The following APIP variants were observed in gnomAD, a reference collection of about 807,000 sequenced individuals.
The protein encoded by APIP is methylthioribulose-1-phosphate dehydratase.
Under a neutral mutation model 32.0 loss-of-function variants are expected in APIP, and 32 were observed. That is an observed-to-expected ratio of 1.00 (90% CI 0.76 to 1.34). The LOEUF (loss-of-function observed/expected upper bound fraction) is 1.34. Among genes scored for constraint, APIP ranks in the 40% most tolerant of loss-of-function variants. The probability of loss-of-function intolerance (pLI) is 0.00; values close to 1 mark genes in which losing one functional copy is unlikely to be tolerated. For synonymous variants in APIP, 92 were observed against 94.8 expected (o/e 0.97, Z 0.17); for missense variants, 247 against 298.6 (o/e 0.83, Z 1.27).
intron 1 of APIP, among the ~76,000 whole-genome samples, chr11:34,910,151 AAT>A (rs1382107818): frequency 6.6e-6 from 1 of 152,244 alleles, no homozygotes; most frequent in Non-Finnish European, 1.5e-5. Flanking sequence ...AAAGTTGTGC[AAT>A]ATTCTCCAGC....
intron 5 of APIP, 89 bp downstream of exon 5, chr11:34,888,204 A>T: frequency 8.2e-7 from 1 of 1,219,648 alleles, no homozygotes; most frequent in South Asian, 1.7e-5. Flanking sequence ...ACGACATCTC[A>T]TTATATGCAT....
chr11:34,885,878 A>C (rs947419204), intron 5 of APIP, among the ~76,000 whole-genome samples: 1 of 152,160 alleles, frequency 6.6e-6, no homozygotes, highest in Non-Finnish European at 1.5e-5. Flanking sequence ...CATAGCTGTC[A>C]TAGGGTCACA....
At chr11:34,893,524 C>A (rs59184525) in intron 2 of APIP, among the ~76,000 whole-genome samples, 1,849 of 152,212 alleles carry the variant, frequency 0.012, 32 homozygotes, top group African/African-American at 0.043. Flanking sequence ...TGTGAATAGG[C>A]CATCTTGAAA....
chr11:34,892,994 A>C (rs886707845), intron 2 of APIP, among the ~76,000 whole-genome samples: 3 of 152,190 alleles, frequency 2.0e-5, no homozygotes, highest in Non-Finnish European at 4.4e-5. Context: ...TAAGATTCCA[A>C]ATACAGTGCC....
intron 1 of APIP, among the ~76,000 whole-genome samples, chr11:34,897,314 C>T (rs1034218630): frequency 2.6e-5 from 4 of 152,146 alleles, no homozygotes; most frequent in Non-Finnish European, 5.9e-5. Flanking sequence ...GATTTATTGC[C>T]TACATGACTT....
intron 1 of APIP, among the ~76,000 whole-genome samples, chr11:34,904,071 A>C (rs1369647412): frequency 2.6e-5 from 4 of 152,230 alleles, no homozygotes; most frequent in Admixed American, 6.5e-5. Flanking sequence ...GAAGTTATCC[A>C]GGGGAAGACT....
At chr11:34,885,879 T>A (rs1039021852) in intron 5 of APIP, among the ~76,000 whole-genome samples, 2 of 152,286 alleles carry the variant, frequency 1.3e-5, no homozygotes, top group East Asian at 1.9e-4. Flanking sequence ...ATAGCTGTCA[T>A]AGGGTCACAG....
intron 1 of APIP, among the ~76,000 whole-genome samples, chr11:34,907,215 C>T (rs554690672): frequency 6.6e-6 from 1 of 152,274 alleles, no homozygotes; most frequent in Admixed American, 6.5e-5. Context: ...GCCCAAATTA[C>T]CTATGCCTGT....
chr11:34,900,944 T>C (rs1853361345), intron 1 of APIP, among the ~76,000 whole-genome samples: 1 of 151,988 alleles, frequency 6.6e-6, no homozygotes, highest in Non-Finnish European at 1.5e-5. Flanking sequence ...TAATAAAACA[T>C]ACCTATTTAT....
chr11:34,888,895 A>G, intron 3 of APIP, 26 bp from the exon 4 acceptor site: 1 of 1,316,076 alleles, frequency 7.6e-7, no homozygotes, highest in Non-Finnish European at 1.0e-6. Context: ...AAAAAAAGAA[A>G]AAAAGAAGGC....
intron 5 of APIP, 56 bp from the exon 6 acceptor site, chr11:34,883,560 TATACAACA>T (rs1853008990): frequency 6.5e-7 from 1 of 1,536,112 alleles, no homozygotes; most frequent in Admixed American, 2.0e-5. Context: ...CATTGATATG[TATACAACA>T]TGTAATTTTT....
intron 1 of APIP, among the ~76,000 whole-genome samples, chr11:34,905,367 A>T (rs573759783): frequency 6.6e-6 from 1 of 152,320 alleles, no homozygotes; most frequent in Non-Finnish European, 1.5e-5. Context: ...GGAAACTTAC[A>T]ATGACCCAGA....
At chr11:34,902,675 C>T (rs994147936) in intron 1 of APIP, among the ~76,000 whole-genome samples, 1 of 152,170 alleles carries the variant, frequency 6.6e-6, no homozygotes, top group African/African-American at 2.4e-5. Context: ...ACTCAGGGAG[C>T]TAAAACTCAT....
At chr11:34,899,588 G>T (rs938956876) in intron 1 of APIP, among the ~76,000 whole-genome samples, 25 of 152,204 alleles carry the variant, frequency 1.6e-4, no homozygotes, top group Admixed American at 3.9e-4. Context: ...AAGGGGCCTT[G>T]CCCAATTACG....
At position 34,904,466 on chromosome 11, in the gene APIP, A is replaced by G. The variant is rs574008872; in HGVS notation, c.58-9356T>C. ...ACTCTTATTCCCATGGCCTTAACGAATAAGAAATACCCCTTCAAAATTAGG... is the reference window on the plus strand; with the variant it reads ...ACTCTTATTCCCATGGCCTTAACGAGTAAGAAATACCCCTTCAAAATTAGG... On this transcript the variant is annotated intron_variant, in intron 1 of 6. Coordinates refer to ENST00000395787, the MANE Select transcript of APIP (RefSeq NM_015957.4). Among the ~76,000 whole-genome samples, 99 of 152,348 alleles carry G rather than the reference A, an allele frequency of 6.5e-4. 2 individuals carry two copies. In the South Asian group the frequency reaches 7.9e-3, roughly 12 times the overall value.
At position 34,888,204 on chromosome 11, in the gene APIP, A is replaced by G. The variant is rs952276959; in HGVS notation, c.461+89T>C. ...TTTAACACAGATCCCACGACATCTC[A>G]TTATATGCATAAAATGATCAGTATT... On this transcript the variant is annotated intron_variant, in intron 5 of 6. Transcript: ENST00000395787. The G allele has an allele frequency of 3.3e-6, 4 of 1,219,530 alleles. No individual in the cohort carries two copies. The Admixed American group carries it at 1.1e-4, about 33-fold the overall frequency. 75.5% of individuals were successfully genotyped at this position (1,219,530 alleles called of 1,614,324 possible).
intron 2 of APIP, 119 bp downstream of exon 2, chr11:34,894,891 A>G: frequency 4.7e-6 from 4 of 855,204 alleles, no homozygotes; most frequent in East Asian, 2.4e-5. Context: ...TTTAGAAACT[A>G]AAGACCTTCA....
At chr11:34,885,071 T>C (rs1306242627) in intron 5 of APIP, among the ~76,000 whole-genome samples, 1 of 137,596 alleles carries the variant, frequency 7.3e-6, no homozygotes, top group East Asian at 1.9e-4. Context: ...TATGTATACA[T>C]TATACAACTA....
chr11:34,909,504 G>T (rs1038986126), intron 1 of APIP, among the ~76,000 whole-genome samples: 6 of 152,120 alleles, frequency 3.9e-5, no homozygotes, highest in African/African-American at 1.4e-4. Flanking sequence ...GGACCTAAAA[G>T]ACATGAACTA....
Sources: allele counts gnomAD v4.1 joint callset (sites outside exome capture counted in the v4.1 genomes callset), GRCh38; gene constraint gnomAD v4.1.1; transcripts MANE v1.5; gene names NCBI Gene and HGNC (gene_info 2026-07-23, HGNC 2026-07-21).